The following DRC9 variants were observed in gnomAD, a reference collection of about 807,000 sequenced individuals.
DRC9 encodes dynein regulatory complex subunit 9.
chr3:197,890,722 T>C, the DRC9 span, among the ~76,000 whole-genome samples: 1 of 152,230 alleles, frequency 6.6e-6, no homozygotes, highest in Admixed American at 6.5e-5. Context: ...GGAAACACCA[T>C]TGAAACTTGA....
At chr3:197,950,950 GGACTTCTAA>G in the DRC9 span, 1 of 1,614,060 alleles carries the variant, frequency 6.2e-7, no homozygotes, top group Non-Finnish European at 8.5e-7. Flanking sequence ...GCTGGGAACG[GGACTTCTAA>G]AAGGAACTAT....
At chr3:197,948,578 C>A in the DRC9 span, among the ~76,000 whole-genome samples, 1 of 152,172 alleles carries the variant, frequency 6.6e-6, no homozygotes, top group Non-Finnish European at 1.5e-5. Context: ...GTTATTCCTC[C>A]CAGGAGGACT....
the DRC9 span, among the ~76,000 whole-genome samples, chr3:197,927,795 A>G: frequency 6.6e-6 from 1 of 152,212 alleles, no homozygotes; most frequent in Admixed American, 6.5e-5. Context: ...GGATGAGTTC[A>G]TGTCCTTTGC....
the DRC9 span, among the ~76,000 whole-genome samples, chr3:197,933,071 TATATATAAAATACATATATTATAC>T: frequency 7.1e-6 from 1 of 140,732 alleles, no homozygotes; most frequent in Non-Finnish European, 1.5e-5. Context: ...ATTATACATA[TATATATAAAATACATATATTATAC>T]ATATATATAT....
the DRC9 span, among the ~76,000 whole-genome samples, chr3:197,931,902 A>G: frequency 1.1e-4 from 16 of 151,950 alleles, no homozygotes; most frequent in African/African-American, 2.7e-4. Context: ...TGGGATTACA[A>G]GCGTGAGCCA....
At chr3:197,950,253 G>T in the DRC9 span, 1 of 1,230,498 alleles carries the variant, frequency 8.1e-7, no homozygotes, top group South Asian at 4.2e-5. Context: ...GAAATTTGGG[G>T]GCAAATAACC....
the DRC9 span, chr3:197,953,661 G>T: frequency 4.6e-6 from 2 of 438,558 alleles, no homozygotes; most frequent in Admixed American, 5.6e-5. Context: ...AAAATGGCAG[G>T]TAATTCCTCC....
At chr3:197,952,955 C>G in the DRC9 span, among the ~76,000 whole-genome samples, 2 of 152,040 alleles carry the variant, frequency 1.3e-5, no homozygotes, top group Non-Finnish European at 2.9e-5. Flanking sequence ...CGCGCACCAC[C>G]ACACCCGGCT....
At chr3:197,944,739 C>T in the DRC9 span, among the ~76,000 whole-genome samples, 5 of 152,052 alleles carry the variant, frequency 3.3e-5, no homozygotes, top group African/African-American at 1.2e-4. Context: ...TGAGCCACCG[C>T]GCCCGGCCAG....
At chr3:197,931,874 C>T in the DRC9 span, among the ~76,000 whole-genome samples, 1 of 152,144 alleles carries the variant, frequency 6.6e-6, no homozygotes, top group African/African-American at 2.4e-5. Flanking sequence ...ATCCGCCCGC[C>T]TCAGCCTCCC....
the DRC9 span, among the ~76,000 whole-genome samples, chr3:197,896,339 G>T: frequency 6.7e-6 from 1 of 148,904 alleles, no homozygotes; most frequent in African/African-American, 2.5e-5. Flanking sequence ...GCAAAACTCC[G>T]TTAAAAAAAA....
At chr3:197,932,357 G>A in the DRC9 span, 33 of 1,475,738 alleles carry the variant, frequency 2.2e-5, no homozygotes, top group Middle Eastern at 5.3e-4. Flanking sequence ...ATTTTCAGCC[G>A]GGCATGGTGG....
the DRC9 span, chr3:197,945,497 AT>A: frequency 1.5e-6 from 1 of 670,968 alleles, no homozygotes; most frequent in Non-Finnish European, 2.6e-6. Context: ...AAATGTTTAT[AT>A]TTTAAGTCAC....
chr3:197,955,086 T>C, the DRC9 span, among the ~76,000 whole-genome samples: 1 of 152,096 alleles, frequency 6.6e-6, no homozygotes, highest in Non-Finnish European at 1.5e-5. Context: ...TTCTTTAGGG[T>C]CCATTTTGGA....
At chr3:197,912,718 C>T in the DRC9 span, 9 of 1,613,712 alleles carry the variant, frequency 5.6e-6, no homozygotes, top group African/African-American at 1.3e-5. Context: ...TGTATGAGTC[C>T]GGGCCTCTTC....
At chr3:197,910,377 T>TCA in the DRC9 span, among the ~76,000 whole-genome samples, 1 of 152,222 alleles carries the variant, frequency 6.6e-6, no homozygotes. Context: ...AACTCTGGCG[T>TCA]CATCCCTTCG....
At chr3:197,954,280 C>T in the DRC9 span, 1 of 866,736 alleles carries the variant, frequency 1.2e-6, no homozygotes, top group Non-Finnish European at 1.9e-6. Flanking sequence ...TTGTGTATTG[C>T]AGAACACTGG....
chr3:197,913,727 A>C, the DRC9 span: 5 of 826,094 alleles, frequency 6.1e-6, no homozygotes, highest in Non-Finnish European at 1.0e-5. Context: ...GCATATCCTC[A>C]TTTAGGCTTT....
the DRC9 span, among the ~76,000 whole-genome samples, chr3:197,907,805 G>C: frequency 6.6e-6 from 1 of 151,284 alleles, no homozygotes; most frequent in Non-Finnish European, 1.5e-5. Flanking sequence ...CCTCCCAGAT[G>C]AAGTTATCAC....
Sources: gnomAD v4.1 joint callset for allele counts (sites outside exome capture counted in the v4.1 genomes callset) on GRCh38, gnomAD v4.1.1 for gene constraint, MANE v1.5 for transcripts, NCBI Gene and HGNC (gene_info 2026-07-23, HGNC 2026-07-21) for gene names.